PTPRD: variants seen among roughly 807,000 people sequenced by gnomAD.
PTPRD encodes the protein protein tyrosine phosphatase receptor type D, also known as receptor-type tyrosine-protein phosphatase delta.
Under a neutral mutation model 214.5 loss-of-function variants are expected in PTPRD, and 34 were observed. The observed-to-expected ratio is 0.16, with a 90% CI of 0.12 to 0.21. PTPRD has a LOEUF of 0.21. Ranked by LOEUF, PTPRD falls within the 10% of genes least tolerant of loss-of-function variation. PTPRD has a pLI of 1.00. For missense variants in PTPRD, 2,545 were observed against 2,398.7 expected, an observed-to-expected ratio of 1.06 and a Z score of -1.27; for synonymous variants, 1,128 against 845.7, an observed-to-expected ratio of 1.33 and a Z score of -5.79.
chr9:10,008,811 T>C (rs1052786722), intron 4 of PTPRD, among the ~76,000 whole-genome samples: 2 of 151,978 alleles, frequency 1.3e-5, no homozygotes, highest in African/African-American at 4.8e-5. Flanking sequence ...AATCAGTAAT[T>C]CTCTATAACA....
In PTPRD at chr9:8,636,820, G is replaced by A. The variant is rs369741244; in HGVS notation, c.89C>T (p.Pro30Leu). 17 of 1,613,528 alleles carry A rather than the reference G, an allele frequency of 1.1e-5. No homozygotes were observed. The highest frequency in any genetic ancestry group is 1.7e-5 in the Admixed American group (1 of 60,006). ...AETPPRFTRT[P>L]VDQTGVSGGV... ...GCCAGAGACCCCTGTCTGATCAACG[G>A]GTGTTCGTGTAAACCTTGGAGGTGC... The change falls in exon 13 of 46, where the codon CCC becomes CTC. Residue 30 changes from proline (P) to leucine (L), a missense_variant. Transcript: ENST00000381196.
At chr9:9,253,670 T>A (rs1412978639) in intron 9 of PTPRD, among the ~76,000 whole-genome samples, 2 of 152,274 alleles carry the variant, frequency 1.3e-5, no homozygotes, top group East Asian at 1.9e-4. Flanking sequence ...TGAGTGATTT[T>A]GAATGAGGAA....
At chr9:9,540,183 C>T (rs1436442288) in intron 8 of PTPRD, among the ~76,000 whole-genome samples, 2 of 151,826 alleles carry the variant, frequency 1.3e-5, no homozygotes, top group African/African-American at 4.8e-5. Flanking sequence ...CTAATATCTG[C>T]CACCCAGGGC....
chr9:8,786,327 T>C (rs2095964944), intron 11 of PTPRD, among the ~76,000 whole-genome samples: 1 of 152,068 alleles, frequency 6.6e-6, no homozygotes, highest in Non-Finnish European at 1.5e-5. Flanking sequence ...CCGTGGTTAT[T>C]TCTATTTTTG....
chr9:9,557,599 T>C (rs1032271483), intron 8 of PTPRD, among the ~76,000 whole-genome samples: 3 of 152,206 alleles, frequency 2.0e-5, no homozygotes, highest in Admixed American at 1.3e-4. Flanking sequence ...AAGAGACTAA[T>C]ACCATCCATT....
chr9:10,544,818 C>T (rs932269623), intron 2 of PTPRD, among the ~76,000 whole-genome samples: 4 of 152,076 alleles, frequency 2.6e-5, no homozygotes, highest in African/African-American at 9.7e-5. Flanking sequence ...GACTAATGGT[C>T]CTACATTTCA....
rs2099352848 is a variant in PTPRD at position 10,189,440 on chromosome 9, G to T, written c.-545+151523C>A. Among the ~76,000 whole-genome samples, 3 of 152,118 alleles carry T rather than the reference G, an allele frequency of 2.0e-5. No individual in the cohort carries two copies. The South Asian group carries it at 6.2e-4, about 32-fold the overall frequency. On this transcript the variant is annotated intron_variant, in intron 3 of 45. Coordinates refer to ENST00000381196, the MANE Select transcript of PTPRD (RefSeq NM_002839.4). ...GATTAAATGTGATAACACCACTAAAGGCCCAACCTTATCATCTCTGCTGCA... is the reference window on the plus strand; with the variant it reads ...GATTAAATGTGATAACACCACTAAATGCCCAACCTTATCATCTCTGCTGCA...
At chr9:8,633,080 T>C (rs1292444977) in intron 14 of PTPRD, among the ~76,000 whole-genome samples, 1 of 151,980 alleles carries the variant, frequency 6.6e-6, no homozygotes, top group East Asian at 1.9e-4. Flanking sequence ...TATCTGGCAT[T>C]TGAAGTCAAT....
intron 7 of PTPRD, among the ~76,000 whole-genome samples, chr9:9,706,491 G>C (rs1225077800): frequency 2.6e-5 from 4 of 151,532 alleles, no homozygotes. Flanking sequence ...ACAGGCTGGA[G>C]TGCAATGACA....
chr9:10,584,721 C>T (rs923183021), intron 2 of PTPRD, among the ~76,000 whole-genome samples: 21 of 152,112 alleles, frequency 1.4e-4, no homozygotes, highest in African/African-American at 5.1e-4. Flanking sequence ...GACAAAAAGC[C>T]AGATCTTGTT....
chr9:9,659,355 A>G (rs556692493), intron 7 of PTPRD, among the ~76,000 whole-genome samples: 65 of 152,202 alleles, frequency 4.3e-4, no homozygotes, highest in African/African-American at 1.6e-3. Context: ...AATTTCAACA[A>G]ATAAATGTTT....
Position 9,163,112 on chromosome 9 carries a change from C to T in PTPRD, c.-143+20192G>A, listed in dbSNP as rs866013290. ...AAGGCTCAGTTCTAGTCTTTTTCTC[C>T]ACCTCACTCTAGGACTTATTAAATG... is the stretch of plus-strand genomic sequence containing the variant. On this transcript the variant is annotated intron_variant, in intron 10 of 45. Transcript: ENST00000381196. Among the ~76,000 whole-genome samples, 10 of 152,130 alleles carry T rather than the reference C, an allele frequency of 6.6e-5. 1 individual carries two copies. The South Asian group carries it at 2.1e-3, about 32-fold the overall frequency.
At chr9:10,489,597 C>T (rs1179154430) in intron 2 of PTPRD, among the ~76,000 whole-genome samples, 1 of 152,178 alleles carries the variant, frequency 6.6e-6, no homozygotes, top group East Asian at 1.9e-4. Flanking sequence ...CTTTGGCCTG[C>T]AGCTGCTGAG....
intron 2 of PTPRD, among the ~76,000 whole-genome samples, chr9:10,522,766 A>T (rs1187217550): frequency 6.6e-6 from 1 of 152,120 alleles, no homozygotes; most frequent in Non-Finnish European, 1.5e-5. Context: ...GGGTTCTTTC[A>T]GTCTGAGAAC....
intron 9 of PTPRD, among the ~76,000 whole-genome samples, chr9:9,382,653 T>A (rs186890803): frequency 6.6e-6 from 1 of 151,500 alleles, no homozygotes. Flanking sequence ...AGAGAGAGAA[T>A]AAGTGTCCAT....
chr9:9,424,977 C>T (rs2080261477), intron 8 of PTPRD, among the ~76,000 whole-genome samples: 1 of 152,162 alleles, frequency 6.6e-6, no homozygotes, highest in Non-Finnish European at 1.5e-5. Context: ...GGGTCTGTGA[C>T]TTGCTTTGAC....
chr9:9,390,084 T>C (rs2065265680), intron 9 of PTPRD, among the ~76,000 whole-genome samples: 1 of 152,070 alleles, frequency 6.6e-6, no homozygotes, highest in Admixed American at 6.5e-5. Flanking sequence ...TCACATGCTG[T>C]TATGTGAGAA....
At chr9:9,214,538 G>A (rs1467235782) in intron 9 of PTPRD, among the ~76,000 whole-genome samples, 1 of 151,264 alleles carries the variant, frequency 6.6e-6, no homozygotes, top group East Asian at 1.9e-4. Context: ...AGGGAAAGCT[G>A]ATCAAACTTA....
chr9:8,526,389 T>A (rs1177599424), intron 17 of PTPRD, among the ~76,000 whole-genome samples: 1 of 149,872 alleles, frequency 6.7e-6, no homozygotes, highest in Non-Finnish European at 1.5e-5. Context: ...TTGAAGCATA[T>A]CACAACTTAA....
Sources: gnomAD v4.1 joint callset for allele counts (sites outside exome capture counted in the v4.1 genomes callset) on GRCh38, gnomAD v4.1.1 for gene constraint, MANE v1.5 for transcripts, NCBI Gene and HGNC (gene_info 2026-07-23, HGNC 2026-07-21) for gene names.